ABI3BP: variants seen among roughly 807,000 people sequenced by gnomAD.
ABI3BP encodes target of Nesh-SH3.
ABI3BP carries 216 observed loss-of-function variants against 268.6 expected under a neutral mutation model. The observed-to-expected ratio is 0.80, with a 90% CI of 0.72 to 0.90. ABI3BP has a LOEUF of 0.90. ABI3BP is among the 40% of genes least tolerant of loss of function. The pLI, the probability that ABI3BP is intolerant of heterozygous loss-of-function variation, is 0.00. For missense variants in ABI3BP, 2,090 were observed against 2,182.4 expected (o/e 0.96, Z 0.84); for synonymous variants, 730 against 730.0 (o/e 1.00, Z 0.00).
chr3:100,828,010 T>TA (rs1173482442), intron 34 of ABI3BP, among the ~76,000 whole-genome samples: 1 of 151,346 alleles, frequency 6.6e-6, no homozygotes, highest in South Asian at 2.1e-4. Context: ...GCAAGTGGGA[T>TA]AAAAAAACAA....
chr3:100,903,408 A>G (rs1265965452), intron 2 of ABI3BP, among the ~76,000 whole-genome samples: 1 of 152,256 alleles, frequency 6.6e-6, no homozygotes. Flanking sequence ...TGATGTCTGC[A>G]AGATGAATGG....
chr3:100,774,726 A>T, intron 60 of ABI3BP, 53 bp from the exon 61 acceptor site: 2 of 1,341,560 alleles, frequency 1.5e-6, no homozygotes, highest in Non-Finnish European at 2.0e-6. Context: ...AAGCTTCACA[A>T]TACAATGAAA....
chr3:100,884,019 A>G (rs937058449), intron 6 of ABI3BP, among the ~76,000 whole-genome samples: 24 of 152,102 alleles, frequency 1.6e-4, no homozygotes, highest in African/African-American at 5.1e-4. Flanking sequence ...ATTTTGACCA[A>G]GTGAAAACAG....
intron 2 of ABI3BP, among the ~76,000 whole-genome samples, chr3:100,921,522 A>T (rs1403974803): frequency 6.6e-6 from 1 of 152,158 alleles, no homozygotes; most frequent in East Asian, 1.9e-4. Flanking sequence ...GAGTAAAAAA[A>T]AAAAAGACAT....
intron 47 of ABI3BP, 34 bp from the exon 48 acceptor site, chr3:100,811,311 CTGTAAGATAT>C (rs2097856106): frequency 6.8e-7 from 1 of 1,471,412 alleles, no homozygotes; most frequent in Non-Finnish European, 9.1e-7. Flanking sequence ...ATTTTAGAAA[CTGTAAGATAT>C]TAAGCTATAG....
At chr3:100,907,158 G>GA (rs562523568) in intron 2 of ABI3BP, among the ~76,000 whole-genome samples, 5 of 152,142 alleles carry the variant, frequency 3.3e-5, no homozygotes, top group Non-Finnish European at 7.3e-5. Flanking sequence ...TGCAAAGTAG[G>GA]AAAAATCATA....
chr3:100,834,729 T>C lies in ABI3BP; in HGVS notation c.2236A>G (p.Lys746Glu), dbSNP rs1220529615. The change falls in exon 29 of 68, where the codon AAA becomes GAA. Residue 746 changes from lysine (K) to glutamate (E), a missense_variant. Lys to Glu is a moderately conservative substitution (Grantham distance 56, BLOSUM62 1). Transcript: ENST00000471714. ...QRTRTRRPRP[K>E]HKTTPRPETL... is the part of the protein sequence containing the mutation. ...TCTGGGCGTGGCGTGGTTTTATGTT[T>C]GGGACGTGGACGACGTGTTCTTGTT... 3 of 1,535,666 alleles carry C rather than the reference T, an allele frequency of 2.0e-6. No individual in the cohort carries two copies. The highest frequency in any genetic ancestry group is 2.7e-5 in the African/African-American group (2 of 73,014).
intron 6 of ABI3BP, among the ~76,000 whole-genome samples, chr3:100,883,029 A>G (rs1252438093): frequency 1.3e-5 from 2 of 152,154 alleles, no homozygotes. Context: ...ACTGGATTTA[A>G]GAGACAAAGA....
At chr3:100,799,352 A>G (rs1171116535) in intron 51 of ABI3BP, among the ~76,000 whole-genome samples, 1 of 152,186 alleles carries the variant, frequency 6.6e-6, no homozygotes, top group Admixed American at 6.6e-5. Flanking sequence ...TCAATAGCAA[A>G]ACATAACTTG....
intron 2 of ABI3BP, among the ~76,000 whole-genome samples, chr3:100,925,312 A>T (rs1029910197): frequency 6.6e-6 from 1 of 152,190 alleles, no homozygotes; most frequent in Non-Finnish European, 1.5e-5. Flanking sequence ...GAAAGCTCCT[A>T]AGCAATAATC....
intron 15 of ABI3BP, among the ~76,000 whole-genome samples, chr3:100,851,580 CGAA>C (rs2098839692): frequency 6.6e-6 from 1 of 152,178 alleles, no homozygotes; most frequent in Non-Finnish European, 1.5e-5. Flanking sequence ...TCTAGAAACT[CGAA>C]GACCTTTTTA....
chr3:100,841,928 G>T, intron 21 of ABI3BP, 70 bp downstream of exon 21: 3 of 1,192,408 alleles, frequency 2.5e-6, no homozygotes, highest in Non-Finnish European at 3.5e-6. Flanking sequence ...AAAACCCAAA[G>T]CTGAACAAAG....
intron 1 of ABI3BP, among the ~76,000 whole-genome samples, chr3:100,967,090 G>A (rs978728614): frequency 6.6e-6 from 1 of 152,100 alleles, no homozygotes; most frequent in African/African-American, 2.4e-5. Flanking sequence ...GGCTTGAACT[G>A]TATACCCTCT....
At chr3:100,843,401 A>AGTGT (rs58147308) in intron 20 of ABI3BP, among the ~76,000 whole-genome samples, 6 of 149,116 alleles carry the variant, frequency 4.0e-5, no homozygotes, top group East Asian at 2.0e-4. Flanking sequence ...AAAAATTCTG[A>AGTGT]GTGTGTGTGT....
rs2054739477 is a variant in ABI3BP, at chr3:100,908,712, A to G, written c.260-6026T>C. Among the ~76,000 whole-genome samples, 3 of 152,266 alleles carry G rather than the reference A, an allele frequency of 2.0e-5. No homozygotes were observed. The South Asian group carries it at 6.2e-4, about 32-fold the overall frequency. ...ATCAAACTTACAAGGGATGTGAAGGACCTCTTCAAGGAGAACTACAAACCA... is the reference window on the plus strand; with the variant it reads ...ATCAAACTTACAAGGGATGTGAAGGGCCTCTTCAAGGAGAACTACAAACCA... On this transcript the variant is annotated intron_variant, in intron 2 of 67. Transcript: ENST00000471714.
chr3:100,876,490 A>G (rs369397710), intron 7 of ABI3BP, 22 bp downstream of exon 7: 1 of 1,602,906 alleles, frequency 6.2e-7, no homozygotes, highest in African/African-American at 1.3e-5. Context: ...CTCTAAACAC[A>G]TTTCCAGAGC....
chr3:100,980,254 T>C lies in ABI3BP; in HGVS notation c.79+13052A>G, dbSNP rs150299613. On this transcript the variant is annotated intron_variant, in intron 1 of 67. Transcript: ENST00000471714. ...TATTTCTTTTTTCTTTTTTTTGAGA[T>C]GGAGTCTTGCTCTGTCACCCAGGCT... 7.3e-3 allele frequency among the ~76,000 whole-genome samples: 1,113 copies of C among 152,232 alleles called. 43 individuals are homozygous for C. In the East Asian group the frequency reaches 0.089, roughly 12 times the overall value.
intron 12 of ABI3BP, 134 bp downstream of exon 12, chr3:100,863,868 G>A: frequency 1.5e-6 from 1 of 662,270 alleles, no homozygotes; most frequent in South Asian, 2.0e-5. Context: ...GCCTCTTTGG[G>A]ATCCTAAACT....
chr3:100,974,170 ATGT>A (rs1372371462), intron 1 of ABI3BP, among the ~76,000 whole-genome samples: 4 of 152,330 alleles, frequency 2.6e-5, no homozygotes, highest in African/African-American at 9.6e-5. Flanking sequence ...TATTAAAAAA[ATGT>A]TGTAGCCACT....
Sources: allele counts gnomAD v4.1 joint callset (sites outside exome capture counted in the v4.1 genomes callset), GRCh38; gene constraint gnomAD v4.1.1; transcripts MANE v1.5; gene names NCBI Gene and HGNC (gene_info 2026-07-23, HGNC 2026-07-21).